Variants in STK3 observed in about 807,000 individuals in gnomAD.
The protein encoded by STK3 is serine/threonine kinase 3.
A neutral mutation model predicts 58.0 loss-of-function variants in STK3; 41 were observed. The observed-to-expected ratio is 0.71, with a 90% CI of 0.55 to 0.92. The LOEUF (loss-of-function observed/expected upper bound fraction) is 0.92. Among genes scored for constraint, STK3 ranks in the 40% least tolerant of loss-of-function variants. The probability of loss-of-function intolerance (pLI) is 0.00; values close to 1 mark genes in which losing one functional copy is unlikely to be tolerated. For missense variants in STK3, 479 were observed against 602.7 expected, an observed-to-expected ratio of 0.79 and a Z score of 2.15; for synonymous variants, 170 against 191.0, an observed-to-expected ratio of 0.89 and a Z score of 0.91.
At chr8:98,935,944 T>A (rs1312803713) in intron 1 of STK3, among the ~76,000 whole-genome samples, 1 of 151,890 alleles carries the variant, frequency 6.6e-6, no homozygotes, top group Non-Finnish European at 1.5e-5. Flanking sequence ...TGAGGTGGAG[T>A]CTCACTCTGT....
intron 8 of STK3, among the ~76,000 whole-genome samples, chr8:98,563,406 T>C (rs1286951109): frequency 1.3e-5 from 2 of 152,146 alleles, no homozygotes; most frequent in Non-Finnish European, 2.9e-5. Flanking sequence ...TACACATACA[T>C]ATATATACAC....
At chr8:98,607,779 C>G (rs577189374) in intron 6 of STK3, among the ~76,000 whole-genome samples, 2 of 152,254 alleles carry the variant, frequency 1.3e-5, no homozygotes, top group Admixed American at 1.3e-4. Flanking sequence ...AATGAATCAA[C>G]TGAACCTATG....
chr8:98,669,041 G>C (rs1396619488), intron 6 of STK3, among the ~76,000 whole-genome samples: 1 of 130,662 alleles, frequency 7.7e-6, no homozygotes, highest in Non-Finnish European at 1.5e-5. Context: ...CTGTTGCCCA[G>C]GTTGGAGTGC....
At chr8:98,869,555 G>T (rs573497144) in intron 3 of STK3, among the ~76,000 whole-genome samples, 5 of 152,282 alleles carry the variant, frequency 3.3e-5, no homozygotes, top group Non-Finnish European at 7.4e-5. Context: ...AACACAGAAA[G>T]GAAGGCCATG....
chr8:98,386,041 A>G (rs1817788600), intron 1 of STK3, among the ~76,000 whole-genome samples: 1 of 152,200 alleles, frequency 6.6e-6, no homozygotes, highest in African/African-American at 2.4e-5. Context: ...GCCATTTTTC[A>G]AGCAAAGCTC....
intron 8 of STK3, among the ~76,000 whole-genome samples, chr8:98,577,508 T>G (rs1207095791): frequency 6.6e-6 from 1 of 151,838 alleles, no homozygotes; most frequent in Non-Finnish European, 1.5e-5. Context: ...AAAATAAAAA[T>G]AAATAAATAG....
At chr8:98,768,402 T>A (rs546498602) in intron 2 of STK3, among the ~76,000 whole-genome samples, 1 of 152,342 alleles carries the variant, frequency 6.6e-6, no homozygotes, top group South Asian at 2.1e-4. Context: ...AAATTTATAA[T>A]CTTTTAAAAT....
chr8:98,371,531 G>T (rs776745609), exon 3 of STK3: 2 of 152,222 alleles, frequency 1.3e-5, no homozygotes, highest in Non-Finnish European at 2.9e-5. Context: ...AAAGCACAAG[G>T]GCGGTACATC....
At chr8:98,367,892 GA>G (rs1197561835), downstream of STK3, among the ~76,000 whole-genome samples, 2 of 151,904 alleles carry the variant, frequency 1.3e-5, no homozygotes, top group East Asian at 3.9e-4. Context: ...GTTTTCATAG[GA>G]AAAGCAAACA....
chr8:98,797,901 G>A (rs73699926), intron 1 of STK3, among the ~76,000 whole-genome samples: 2 of 152,142 alleles, frequency 1.3e-5, no homozygotes, highest in African/African-American at 2.4e-5. Flanking sequence ...GAAATAGACC[G>A]AGCAGAGAAA....
intron 10 of STK3, among the ~76,000 whole-genome samples, chr8:98,494,314 T>C (rs1822948260): frequency 6.6e-6 from 1 of 152,240 alleles, no homozygotes; most frequent in Non-Finnish European, 1.5e-5. Context: ...TTACTCATTC[T>C]TAGGTATCTG....
At chr8:98,434,430 TGTACACG>T (rs1327613894) in intron 2 of STK3, 2 of 152,242 alleles carry the variant, frequency 1.3e-5, no homozygotes, top group Non-Finnish European at 2.9e-5. Flanking sequence ...AAATGTTGCA[TGTACACG>T]GTTATTATCT....
At chr8:98,366,240 G>A (rs1222586747), downstream of STK3, among the ~76,000 whole-genome samples, 3 of 152,148 alleles carry the variant, frequency 2.0e-5, no homozygotes, top group Non-Finnish European at 4.4e-5. Context: ...TTGAGGCCCA[G>A]ACATCTTTTC....
At chr8:98,757,288 C>T (rs889518780) in intron 3 of STK3, among the ~76,000 whole-genome samples, 49 of 150,584 alleles carry the variant, frequency 3.3e-4, no homozygotes, top group Non-Finnish European at 6.8e-4. Flanking sequence ...TCAAGCGATT[C>T]GCCTGCCTCA....
At position 98,428,781 on chromosome 8, in the gene STK3, A is replaced by T. The variant is rs756060141; in HGVS notation, n.483+5346T>A. The T allele has an allele frequency of 6.8e-6, 11 of 1,614,082 alleles. No homozygotes were observed. Among genetic ancestry groups the T allele is most frequent in the Non-Finnish European group, 9.3e-6 (11 of 1,180,046 alleles). On this transcript the variant is annotated intron_variant and non_coding_transcript_variant, in intron 3 of 3. Coordinates refer to the STK3 transcript ENST00000517832. The surrounding 1 kb of genome is among the most constrained non-coding windows in gnomAD (Gnocchi z 6.7). ...CCTAAACCTTATTGACCTCATGTCC[A>T]TCGTCCCCTTTTACATCACTCTGGT... is the stretch of plus-strand genomic sequence containing the variant.
At chr8:98,350,068 A>T in the STK3 span, among the ~76,000 whole-genome samples, 1 of 151,922 alleles carries the variant, frequency 6.6e-6, no homozygotes, top group South Asian at 2.1e-4. Flanking sequence ...TCAGGCTGCA[A>T]TTTTTCCGAA....
At chr8:98,585,649 T>C (rs1317953221) in intron 7 of STK3, among the ~76,000 whole-genome samples, 2 of 151,308 alleles carry the variant, frequency 1.3e-5, no homozygotes, top group Non-Finnish European at 2.9e-5. Context: ...ATTGGTAGCT[T>C]GATGGGGATG....
At chr8:98,608,541 T>C (rs948662025) in intron 6 of STK3, among the ~76,000 whole-genome samples, 2 of 152,196 alleles carry the variant, frequency 1.3e-5, no homozygotes, top group Non-Finnish European at 2.9e-5. Context: ...TTAACACAGA[T>C]AAAATTTGGT....
intron 6 of STK3, among the ~76,000 whole-genome samples, chr8:98,666,943 T>C (rs1187839468): frequency 6.6e-6 from 1 of 152,160 alleles, no homozygotes; most frequent in African/African-American, 2.4e-5. Context: ...TTCGTATATC[T>C]TGACTGCCCA....
Sources: gnomAD v4.1 joint callset for allele counts (sites outside exome capture counted in the v4.1 genomes callset) on GRCh38, gnomAD v4.1.1 for gene constraint, Gnocchi (gnomAD v3.1) non-coding constraint, MANE v1.5 for transcripts, NCBI Gene and HGNC (gene_info 2026-07-23, HGNC 2026-07-21) for gene names.